CRK: variants seen among roughly 807,000 people sequenced by gnomAD.
CRK encodes the protein adapter molecule crk.
Under a neutral mutation model 29.8 loss-of-function variants are expected in CRK, and 4 were observed. The observed-to-expected ratio is 0.13, with a 90% CI of 0.07 to 0.31. The LOEUF (loss-of-function observed/expected upper bound fraction) is 0.31. Ranked by LOEUF, CRK falls within the 10% of genes least tolerant of loss-of-function variation. The pLI is 1.00. For synonymous variants in CRK, 153 were observed against 164.9 expected (o/e 0.93, Z 0.55); for missense variants, 274 against 396.5 (o/e 0.69, Z 2.62).
chr17:1,439,667 G>A (rs2073919046), intron 1 of CRK, among the ~76,000 whole-genome samples: 1 of 151,694 alleles, frequency 6.6e-6, no homozygotes, highest in Admixed American at 6.6e-5. Flanking sequence ...CGGGCAACAT[G>A]GCTGTCACTG....
In CRK at chr17:1,423,581, G is replaced by A. The variant is rs2073748394; in HGVS notation, c.847C>T (p.Arg283Ter). ...ACATGTGTGAATGGGAAGTGACCTC[G>A]TTTGCCATTACACTCCCCTTCCCAC... ...GQWEGECNGK[R>*]GHFPFTHVRL... Residue 283 changes from arginine to a stop codon, truncating the protein, a stop_gained, in exon 3 of 3, where the codon CGA (arginine) becomes TGA (stop). Coordinates refer to ENST00000300574, the MANE Select transcript of CRK (RefSeq NM_016823.4). LOFTEE classifies it high-confidence loss of function. 1 of 1,613,918 alleles carries A rather than the reference G, an allele frequency of 6.2e-7. No homozygotes were observed. The highest frequency in any genetic ancestry group is 1.3e-5 in the African/African-American group (1 of 74,892).
chr17:1,426,621 T>G (rs1194180273), intron 2 of CRK: 3 of 152,082 alleles, frequency 2.0e-5, no homozygotes, highest in African/African-American at 4.8e-5. Context: ...ATCTCAGCAC[T>G]TTGGGAGGTC....
intron 1 of CRK, among the ~76,000 whole-genome samples, chr17:1,446,131 G>C (rs1467025911): frequency 6.6e-6 from 1 of 152,094 alleles, no homozygotes; most frequent in Non-Finnish European, 1.5e-5. Flanking sequence ...TTCCTAGACT[G>C]GAGAAGCTCA....
intron 2 of CRK, among the ~76,000 whole-genome samples, chr17:1,430,590 T>G (rs1438835394): frequency 2.1e-5 from 3 of 140,418 alleles, no homozygotes; most frequent in Admixed American, 7.1e-5. Context: ...TGGTCTCCAT[T>G]TCCTGACCTC....
intron 1 of CRK, among the ~76,000 whole-genome samples, chr17:1,438,947 A>G (rs2073912035): frequency 6.6e-6 from 1 of 151,812 alleles, no homozygotes; most frequent in Admixed American, 6.6e-5. Flanking sequence ...CAAGCCTCCC[A>G]CCCAGCCTCA....
At chr17:1,439,615 G>A (rs573762881) in intron 1 of CRK, among the ~76,000 whole-genome samples, 1 of 152,276 alleles carries the variant, frequency 6.6e-6, no homozygotes, top group South Asian at 2.1e-4. Flanking sequence ...TAGGGAAGCT[G>A]AGGCAGGTGG....
chr17:1,443,922 G>C (rs991087332), intron 1 of CRK, among the ~76,000 whole-genome samples: 8 of 150,332 alleles, frequency 5.3e-5, no homozygotes, highest in African/African-American at 2.0e-4. Context: ...GGCTGGTCTT[G>C]AACTCCTGAC....
intron 1 of CRK, among the ~76,000 whole-genome samples, chr17:1,452,901 T>C (rs1425238096): frequency 6.6e-6 from 1 of 151,628 alleles, no homozygotes; most frequent in Non-Finnish European, 1.5e-5. Flanking sequence ...ATCAGGAATT[T>C]GAGACCAGCC....
intron 1 of CRK, among the ~76,000 whole-genome samples, chr17:1,454,129 A>G (rs2074038670): frequency 6.6e-6 from 1 of 151,116 alleles, no homozygotes; most frequent in African/African-American, 2.4e-5. Context: ...TTGAACCCAA[A>G]AGGCAAAGGT....
chr17:1,440,095 C>A (rs1475564208), intron 1 of CRK, among the ~76,000 whole-genome samples: 1 of 151,210 alleles, frequency 6.6e-6, no homozygotes, highest in Non-Finnish European at 1.5e-5. Flanking sequence ...GTCAGGAGAT[C>A]AAGACCATCC....
rs1441181928 is a variant in CRK, at chr17:1,437,010, G to C, written c.387C>G (p.Leu129=). The change falls in exon 2 of 3, where the codon CTC becomes CTG. Residue 129 remains leucine (L), a synonymous_variant. Transcript: ENST00000300574. ...SRSRQGSGVI[L]RQEEAEYVRA... ...GCACATACTCCGCCTCCTCCTGCCTGAGAATCACTCCACTACCCTGCCTGG... is the reference window on the plus strand; with the variant it reads ...GCACATACTCCGCCTCCTCCTGCCTCAGAATCACTCCACTACCCTGCCTGG... 6.2e-7 allele frequency: 1 copy of C among 1,614,100 alleles called. No individual in the cohort carries two copies. Among genetic ancestry groups the C allele is most frequent in the South Asian group, 1.1e-5 (1 of 91,082 alleles).
At chr17:1,425,215 T>G (rs28635042) in intron 2 of CRK, among the ~76,000 whole-genome samples, 2 of 151,474 alleles carry the variant, frequency 1.3e-5, no homozygotes, top group Non-Finnish European at 2.9e-5. Context: ...TCAGCCTCCC[T>G]AGTAGCTGGG....
At chr17:1,431,291 C>G (rs112284923) in intron 2 of CRK, among the ~76,000 whole-genome samples, 5,107 of 152,124 alleles carry the variant, frequency 0.034, 270 homozygotes, top group African/African-American at 0.11. Context: ...AGGAAGAAGG[C>G]CGGAGGGGGT....
At chr17:1,431,213 C>T (rs1305622733) in intron 2 of CRK, among the ~76,000 whole-genome samples, 1 of 152,152 alleles carries the variant, frequency 6.6e-6, no homozygotes, top group Non-Finnish European at 1.5e-5. Flanking sequence ...TGTGGTGCCA[C>T]ATGTGGCCTT....
chr17:1,423,671 G>C lies in CRK; in HGVS notation c.778-21C>G, dbSNP rs141214654. On this transcript the variant is annotated intron_variant, in intron 2 of 2. Coordinates refer to ENST00000300574, the MANE Select transcript of CRK (RefSeq NM_016823.4). The stretch of plus-strand genomic sequence containing the variant: ...CCGACCTGCAGGAGGAGAATAAGGA[G>C]AGCACTTTATTTCCAGGTAGGAATG... The C allele has an allele frequency of 7.6e-3, 12,243 of 1,612,304 alleles. 84 individuals are homozygous for C. Among genetic ancestry groups the C allele is most frequent in the East Asian group, 0.032 (1,454 of 44,846 alleles).
chr17:1,433,723 C>G (rs1440888049), intron 2 of CRK, among the ~76,000 whole-genome samples: 1 of 151,286 alleles, frequency 6.6e-6, no homozygotes, highest in African/African-American at 2.4e-5. Flanking sequence ...TTCATCATAT[C>G]GGTCAGGCTG....
At chr17:1,444,876 C>T (rs1185446103) in intron 1 of CRK, among the ~76,000 whole-genome samples, 2 of 146,914 alleles carry the variant, frequency 1.4e-5, no homozygotes, top group Non-Finnish European at 3.0e-5. Flanking sequence ...GGGCCAGGCA[C>T]GATGGCTCAT....
At chr17:1,430,644 C>G (rs1177174740) in intron 2 of CRK, among the ~76,000 whole-genome samples, 2 of 149,232 alleles carry the variant, frequency 1.3e-5, no homozygotes, top group South Asian at 2.2e-4. Context: ...GGATTACAGG[C>G]GTGAGCCACC....
At chr17:1,450,743 G>T (rs1042008782) in intron 1 of CRK, among the ~76,000 whole-genome samples, 15 of 151,914 alleles carry the variant, frequency 9.9e-5, no homozygotes, top group Non-Finnish European at 1.6e-4. Context: ...AAAATTGGCT[G>T]GGCATGGTGG....
Sources: gnomAD v4.1 joint callset for allele counts (sites outside exome capture counted in the v4.1 genomes callset) on GRCh38, gnomAD v4.1.1 for gene constraint, MANE v1.5 for transcripts, NCBI Gene and HGNC (gene_info 2026-07-23, HGNC 2026-07-21) for gene names.